The following CCDC3 variants were observed in gnomAD, a reference collection of about 807,000 sequenced individuals.
The protein encoded by CCDC3 is coiled-coil domain-containing protein 3.
In CCDC3, 24 loss-of-function variants were observed where a neutral mutation model predicts 21.4. The ratio of observed to expected loss-of-function variants is 1.12; its 90% CI spans 0.81 to 1.58. The LOEUF (loss-of-function observed/expected upper bound fraction) is 1.58. Ranked by LOEUF, CCDC3 falls within the 40% of genes most tolerant of loss-of-function variation. The probability of loss-of-function intolerance (pLI) is 0.00; values close to 1 mark genes in which losing one functional copy is unlikely to be tolerated. For synonymous variants in CCDC3, 186 were observed against 166.0 expected, an observed-to-expected ratio of 1.12 and a Z score of -0.93; for missense variants, 425 against 360.9, an observed-to-expected ratio of 1.18 and a Z score of -1.44.
In CCDC3 at chr10:13,058,531, T is replaced by C. The variant is rs1012472169; in HGVS notation, c.-269-8590A>G. 6.8e-6 allele frequency: 5 copies of C among 731,790 alleles called. No homozygotes were observed. In the African/African-American group the frequency reaches 8.6e-5, roughly 13 times the overall value. 45.3% of individuals were successfully genotyped at this position (731,790 alleles called of 1,614,324 possible). A position where few individuals can be genotyped will look rare whatever the true frequency, so the allele number is the denominator to read the frequency against. On this transcript the variant is annotated intron_variant, in intron 4 of 6. Coordinates refer to the CCDC3 transcript ENST00000378839. Reference sequence around the variant, plus strand: ...GTTCGTTACACAAACTATCATCCTGTATTTGGGTGTGCTGTATTTATTTTT... The same window carrying C: ...GTTCGTTACACAAACTATCATCCTGCATTTGGGTGTGCTGTATTTATTTTT...
chr10:12,950,208 G>A (rs1396253643), intron 2 of CCDC3, among the ~76,000 whole-genome samples: 1 of 152,144 alleles, frequency 6.6e-6, no homozygotes, highest in Admixed American at 6.5e-5. Context: ...TGTTACCAGT[G>A]CCCTGACTAA....
At chr10:13,069,572 A>T (rs1217935475) in intron 4 of CCDC3, among the ~76,000 whole-genome samples, 1 of 152,168 alleles carries the variant, frequency 6.6e-6, no homozygotes, top group Non-Finnish European at 1.5e-5. Context: ...TCAGTTTCAA[A>T]ATTGTCTTTC....
intron 2 of CCDC3, among the ~76,000 whole-genome samples, chr10:13,098,913 C>T (rs1443518202): frequency 6.6e-6 from 1 of 151,826 alleles, no homozygotes; most frequent in Non-Finnish European, 1.5e-5. Context: ...GACAGGCTTT[C>T]ACCATATTGG....
At chr10:13,092,727 C>G (rs941928716) in intron 3 of CCDC3, among the ~76,000 whole-genome samples, 4 of 152,202 alleles carry the variant, frequency 2.6e-5, no homozygotes, top group African/African-American at 9.7e-5. Flanking sequence ...AGAAGTGAAC[C>G]ATAGGCCTTA....
At chr10:12,975,004 TAA>T (rs1484635679) in intron 2 of CCDC3, among the ~76,000 whole-genome samples, 1 of 152,046 alleles carries the variant, frequency 6.6e-6, no homozygotes, top group Admixed American at 6.6e-5. Flanking sequence ...ACGTGACAAA[TAA>T]AGACTCAGAA....
intron 2 of CCDC3, among the ~76,000 whole-genome samples, chr10:12,937,120 T>TA (rs397954135): frequency 1.9e-4 from 29 of 150,880 alleles, no homozygotes; most frequent in Non-Finnish European, 3.9e-4. Context: ...TTTTTTTTTT[T>TA]ACCCTCAGAC....
chr10:13,024,885 A>T (rs1331849295), intron 5 of CCDC3, among the ~76,000 whole-genome samples: 1 of 152,144 alleles, frequency 6.6e-6, no homozygotes. Flanking sequence ...GGCTTCCCAT[A>T]GGAATCTCCT....
In CCDC3 at chr10:12,958,860, A is replaced by G. The variant is rs542034716; in HGVS notation, c.549+39478T>C. 3.9e-5 allele frequency among the ~76,000 whole-genome samples: 6 copies of G among 152,148 alleles called. No individual in the cohort carries two copies. In the South Asian group the frequency reaches 6.2e-4, roughly 16 times the overall value. On this transcript the variant is annotated intron_variant, in intron 2 of 2. Coordinates refer to ENST00000378825, the MANE Select transcript of CCDC3 (RefSeq NM_031455.4). The stretch of plus-strand genomic sequence containing the variant: ...TCCCTATGGTTCCAGCAAAGGTCTC[A>G]CTGCCTGGCTTAGGTCCCCACCTGT...
Position 12,896,683 on chromosome 10 carries a change from G to A in CCDC3, c.*1733C>T, listed in dbSNP as rs1396670528. The stretch of plus-strand genomic sequence containing the variant: ...AAAGCAGAACAGTATGCACCTGTAG[G>A]GGTGTAGCTTCCATGGTTCTCCAAG... On this transcript the variant is annotated 3_prime_UTR_variant, in exon 3 of 3. Coordinates refer to ENST00000378825, the MANE Select transcript of CCDC3 (RefSeq NM_031455.4). 6.5e-6 allele frequency: 1 copy of A among 152,698 alleles called. No individual in the cohort carries two copies. The highest frequency in any genetic ancestry group is 2.1e-4 in the South Asian group (1 of 4,834). The allele number at this position is 152,698 out of a possible 1,614,324, so 9.5% of individuals were successfully genotyped here.
At chr10:12,960,168 A>ACAACACACACACACAC (rs1554756648) in intron 2 of CCDC3, among the ~76,000 whole-genome samples, 13 of 148,748 alleles carry the variant, frequency 8.7e-5, no homozygotes, top group African/African-American at 3.2e-4. Context: ...ACACACACAC[A>ACAACACACACACACAC]ACACACACAC....
At chr10:13,013,891 C>T (rs1444509239) in intron 5 of CCDC3, among the ~76,000 whole-genome samples, 3 of 152,198 alleles carry the variant, frequency 2.0e-5, no homozygotes, top group African/African-American at 7.2e-5. Context: ...TGGCTCACAC[C>T]TGTAATCCCA....
chr10:13,030,751 C>G (rs1188460229), intron 5 of CCDC3, among the ~76,000 whole-genome samples: 1 of 152,072 alleles, frequency 6.6e-6, no homozygotes, highest in African/African-American at 2.4e-5. Context: ...ACAAAGAAGG[C>G]CATTAAATAA....
intron 5 of CCDC3, among the ~76,000 whole-genome samples, chr10:13,022,838 A>G (rs1362507449): frequency 6.6e-6 from 1 of 152,254 alleles, no homozygotes; most frequent in African/African-American, 2.4e-5. Context: ...AAGAAATTAT[A>G]AATATTGCAA....
At chr10:12,980,440 G>A (rs946050311) in intron 2 of CCDC3, among the ~76,000 whole-genome samples, 17 of 152,244 alleles carry the variant, frequency 1.1e-4, no homozygotes, top group South Asian at 4.2e-4. Context: ...ATGTCCCCAC[G>A]GGTCTGTAAA....
chr10:13,034,731 A>T (rs949544083), intron 5 of CCDC3, among the ~76,000 whole-genome samples: 2 of 151,898 alleles, frequency 1.3e-5, no homozygotes, highest in African/African-American at 4.8e-5. Flanking sequence ...ACAAACAAAA[A>T]ACCAGGTCTG....
intron 2 of CCDC3, among the ~76,000 whole-genome samples, chr10:12,957,816 G>C (rs983240147): frequency 6.6e-6 from 1 of 152,122 alleles, no homozygotes; most frequent in African/African-American, 2.4e-5. Flanking sequence ...TTGTTGAACC[G>C]TGAGCCAGTT....
At chr10:13,091,669 A>G (rs1832571899) in intron 3 of CCDC3, among the ~76,000 whole-genome samples, 1 of 152,090 alleles carries the variant, frequency 6.6e-6, no homozygotes. Flanking sequence ...GGTACATCTC[A>G]TCATCCTAAA....
chr10:13,067,911 C>A (rs997761924), intron 4 of CCDC3, among the ~76,000 whole-genome samples: 1 of 152,038 alleles, frequency 6.6e-6, no homozygotes, highest in African/African-American at 2.4e-5. Flanking sequence ...TTTAAAAGGT[C>A]TTTACGTTTT....
intron 2 of CCDC3, among the ~76,000 whole-genome samples, chr10:12,912,274 A>C (rs1448304117): frequency 6.6e-6 from 1 of 152,218 alleles, no homozygotes; most frequent in African/African-American, 2.4e-5. Flanking sequence ...TTTACTCCAC[A>C]TCCTCACCAA....
Sources: gnomAD v4.1 joint callset for allele counts (sites outside exome capture counted in the v4.1 genomes callset) on GRCh38, gnomAD v4.1.1 for gene constraint, MANE v1.5 for transcripts, NCBI Gene and HGNC (gene_info 2026-07-23, HGNC 2026-07-21) for gene names.